Variants in DAB1 observed in about 807,000 individuals in gnomAD.
DAB1 encodes disabled homolog 1.
A neutral mutation model predicts 64.6 loss-of-function variants in DAB1; 15 were observed. The ratio of observed to expected loss-of-function variants is 0.23; its 90% CI spans 0.16 to 0.36. The LOEUF is 0.36. Ranked by LOEUF, DAB1 falls within the 10% of genes least tolerant of loss-of-function variation. DAB1 has a pLI of 1.00. For missense variants in DAB1, 596 were observed against 706.7 expected (o/e 0.84, Z 1.78); for synonymous variants, 235 against 251.9 (o/e 0.93, Z 0.64).
chr1:58,535,594 T>C (rs950822318), intron 1 of DAB1, among the ~76,000 whole-genome samples: 4 of 42,480 alleles, frequency 9.4e-5, no homozygotes, highest in African/African-American at 3.2e-4. Context: ...AGTCTCTGTC[T>C]CAAAAAAAAA....
Position 57,439,420 on chromosome 1 carries a change from TTTTTC to T in DAB1, n.626-148259_626-148255del, listed in dbSNP as rs1160107496. On this transcript the variant is annotated intron_variant and non_coding_transcript_variant, in intron 7 of 20. Transcript: ENST00000485760. The stretch of plus-strand genomic sequence containing the variant: ...CATGCCATCAACTTGGTGATGAGGT[TTTTTC>T]TTTTTTTTTTTTTTTTTTTTTTGAG... Among the ~76,000 whole-genome samples, 181 of 118,674 alleles carry T rather than the reference TTTTTC, an allele frequency of 1.5e-3. 16 individuals are homozygous for T. The highest frequency in any genetic ancestry group is 0.012 in the Middle Eastern group (3 of 250). The allele number at this position is 118,674 out of a possible 152,430, so 77.9% of individuals were successfully genotyped here.
chr1:57,624,232 C>T (rs1645895960), intron 7 of DAB1, among the ~76,000 whole-genome samples: 1 of 152,210 alleles, frequency 6.6e-6, no homozygotes, highest in Non-Finnish European at 1.5e-5. Context: ...ATCAATCAGT[C>T]TTTAACAGGT....
At chr1:57,468,514 A>G (rs1271546579) in intron 7 of DAB1, among the ~76,000 whole-genome samples, 1 of 152,230 alleles carries the variant, frequency 6.6e-6, no homozygotes, top group Non-Finnish European at 1.5e-5. Context: ...GATCTGATCT[A>G]TAATTTGGTG....
At chr1:57,311,605 GT>G (rs1046822307) in intron 1 of DAB1, among the ~76,000 whole-genome samples, 5 of 152,060 alleles carry the variant, frequency 3.3e-5, no homozygotes, top group African/African-American at 9.7e-5. Context: ...GGGAGCATGT[GT>G]TTATGGCCCT....
chr1:57,566,211 T>G (rs1345970632), intron 7 of DAB1, among the ~76,000 whole-genome samples: 1 of 152,192 alleles, frequency 6.6e-6, no homozygotes, highest in East Asian at 1.9e-4. Flanking sequence ...GAAATAAAGA[T>G]GTTCTTTGAA....
At chr1:57,932,064 A>C (rs1258057992) in intron 5 of DAB1, among the ~76,000 whole-genome samples, 1 of 152,122 alleles carries the variant, frequency 6.6e-6, no homozygotes, top group East Asian at 1.9e-4. Flanking sequence ...TATTTAGTTA[A>C]AAATATTTTT....
intron 7 of DAB1, among the ~76,000 whole-genome samples, chr1:57,592,011 C>T (rs1038322294): frequency 6.6e-6 from 1 of 152,088 alleles, no homozygotes; most frequent in Non-Finnish European, 1.5e-5. Context: ...CCCAACTTGC[C>T]TTGAAAGGAT....
chr1:57,208,856 C>T (rs1219380741), intron 2 of DAB1, among the ~76,000 whole-genome samples: 1 of 152,196 alleles, frequency 6.6e-6, no homozygotes, highest in African/African-American at 2.4e-5. Context: ...CCAAAGCCAC[C>T]TTGACCTATG....
At chr1:57,919,734 T>C (rs1644781986) in intron 5 of DAB1, among the ~76,000 whole-genome samples, 1 of 152,212 alleles carries the variant, frequency 6.6e-6, no homozygotes, top group South Asian at 2.1e-4. Flanking sequence ...GATATTGTGA[T>C]AGCTAAGCTT....
chr1:58,450,550 C>T (rs566701203), intron 3 of DAB1, among the ~76,000 whole-genome samples: 6 of 152,198 alleles, frequency 3.9e-5, no homozygotes, highest in South Asian at 2.1e-4. Context: ...GTCAGGTGAT[C>T]GAGACCATCC....
chr1:58,491,334 G>A (rs1234435840), intron 3 of DAB1, among the ~76,000 whole-genome samples: 2 of 152,202 alleles, frequency 1.3e-5, no homozygotes, highest in African/African-American at 4.8e-5. Flanking sequence ...AGACCATCAA[G>A]GCTAGGAAGA....
chr1:57,481,200 C>G (rs1291926765), intron 7 of DAB1, among the ~76,000 whole-genome samples: 1 of 152,102 alleles, frequency 6.6e-6, no homozygotes, highest in African/African-American at 2.4e-5. Context: ...GAAATGGGAG[C>G]CAAGCATCAG....
chr1:57,117,820 A>G (rs940234179), intron 4 of DAB1, among the ~76,000 whole-genome samples: 1 of 148,546 alleles, frequency 6.7e-6, no homozygotes, highest in African/African-American at 2.5e-5. Flanking sequence ...GTTGAAGTCC[A>G]CTTCCCTTCT....
chr1:57,939,929 T>C (rs750858102), intron 5 of DAB1, among the ~76,000 whole-genome samples: 1 of 152,210 alleles, frequency 6.6e-6, no homozygotes, highest in Non-Finnish European at 1.5e-5. Context: ...AAATGTTGAA[T>C]GAACAACCAG....
intron 3 of DAB1, among the ~76,000 whole-genome samples, chr1:58,477,892 A>G (rs1645434354): frequency 6.6e-6 from 1 of 152,158 alleles, no homozygotes; most frequent in Admixed American, 6.5e-5. Flanking sequence ...GAAATACACC[A>G]TGTACCCTTG....
intron 14 of DAB1, among the ~76,000 whole-genome samples, chr1:57,005,162 G>C (rs2100239184): frequency 6.6e-6 from 1 of 152,228 alleles, no homozygotes; most frequent in South Asian, 2.1e-4. Context: ...TGCATACAGA[G>C]ATGCACCACC....
At chr1:57,243,194 T>TA (rs1412257603) in intron 2 of DAB1, among the ~76,000 whole-genome samples, 1 of 152,194 alleles carries the variant, frequency 6.6e-6, no homozygotes, top group Non-Finnish European at 1.5e-5. Context: ...GATCAATACT[T>TA]ACATGTTTAT....
chr1:57,516,281 A>G lies in DAB1; in HGVS notation n.625+133311T>C, dbSNP rs1043385609. On this transcript the variant is annotated intron_variant and non_coding_transcript_variant, in intron 7 of 20. Coordinates refer to the DAB1 transcript ENST00000485760. ...TGCCAGAGGACAATTAAGTAAGTACATACTAATGTACACATTAACATGTAA... is the reference window on the plus strand; with the variant it reads ...TGCCAGAGGACAATTAAGTAAGTACGTACTAATGTACACATTAACATGTAA... Among the ~76,000 whole-genome samples, 5 of 152,246 alleles carry G rather than the reference A, an allele frequency of 3.3e-5. No individual in the cohort carries two copies. The East Asian group carries it at 5.8e-4, about 18-fold the overall frequency.
intron 1 of DAB1, among the ~76,000 whole-genome samples, chr1:57,299,472 T>C (rs1673455996): frequency 6.6e-6 from 1 of 152,182 alleles, no homozygotes; most frequent in Non-Finnish European, 1.5e-5. Flanking sequence ...AGAACCAGGT[T>C]TTAGCAACAT....
Sources: gnomAD v4.1 joint callset for allele counts (sites outside exome capture counted in the v4.1 genomes callset) on GRCh38, gnomAD v4.1.1 for gene constraint, MANE v1.5 for transcripts, NCBI Gene and HGNC (gene_info 2026-07-23, HGNC 2026-07-21) for gene names.